The following ANGPTL5 variants were observed in gnomAD, a reference collection of about 807,000 sequenced individuals.
ANGPTL5 encodes angiopoietin like 5.
ANGPTL5 carries 34 observed loss-of-function variants against 39.4 expected under a neutral mutation model. The observed-to-expected ratio is 0.86, with a 90% CI of 0.66 to 1.15. The LOEUF is 1.15. ANGPTL5 is among the 50% of genes most tolerant of loss of function. The probability of loss-of-function intolerance (pLI) is 0.00; values close to 1 mark genes in which losing one functional copy is unlikely to be tolerated. For synonymous variants in ANGPTL5, 146 were observed against 152.1 expected (o/e 0.96, Z 0.29); for missense variants, 467 against 457.5 (o/e 1.02, Z -0.19).
chr11:101,893,297 G>T (rs1169535118), intron 8 of ANGPTL5, among the ~76,000 whole-genome samples: 1 of 152,166 alleles, frequency 6.6e-6, no homozygotes, highest in Non-Finnish European at 1.5e-5. Flanking sequence ...GAATAGTTGG[G>T]ATTCTCGTGG....
chr11:101,895,024 T>A lies in ANGPTL5; in HGVS notation c.702A>T (p.Val234=). 6.2e-7 allele frequency: 1 copy of A among 1,605,924 alleles called. No individual in the cohort carries two copies. Among genetic ancestry groups the A allele is most frequent in the Non-Finnish European group, 8.5e-7 (1 of 1,175,996 alleles). The part of the protein sequence containing the change: ...WLGLKKIFYI[V]NQKNTSFMLY... ...GCATAAAACTGGTATTTTTCTGATT[T>A]ACTATATAAAAAATCTTTTTCAGTC... The change falls in exon 8 of 9, where the codon GTA becomes GTT. Residue 234 remains valine (V), a synonymous_variant. Coordinates refer to ENST00000334289, the MANE Select transcript of ANGPTL5 (RefSeq NM_178127.5).
chr11:101,907,066 A>C, intron 3 of ANGPTL5, 37 bp downstream of exon 3: 1 of 1,431,664 alleles, frequency 7.0e-7, no homozygotes, highest in African/African-American at 1.4e-5. Context: ...ATAATGAATC[A>C]TATACTCTTA....
rs1217202531 is a variant in ANGPTL5 at position 101,900,515 on chromosome 11, C to G, written c.576G>C (p.Arg192=). Residue 192 remains arginine (R), a synonymous_variant, in exon 7 of 9, where the codon CGG becomes CGC. Transcript: ENST00000334289. The part of the protein sequence containing the change: ...MCDMDYRGGG[R]TVIQKRIDGI... ...CATCAATTCTTTTCTGTATCACAGT[C>G]CGTCCACCTCCTCTGTAATCCATGT... The G allele has an allele frequency of 1.9e-6, 3 of 1,612,334 alleles. No homozygotes were observed. Among genetic ancestry groups the G allele is most frequent in the Non-Finnish European group, 8.5e-7 (1 of 1,178,534 alleles).
Position 101,891,412 on chromosome 11 carries a change from C to A in ANGPTL5, c.1034G>T (p.Gly345Val), listed in dbSNP as rs369497815. 7 of 1,614,062 alleles carry A rather than the reference C, an allele frequency of 4.3e-6. No homozygotes were observed. The highest frequency in any genetic ancestry group is 5.9e-6 in the Non-Finnish European group (7 of 1,180,004). Reference protein sequence around the residue: ...FNECGLANLNGIHHFSGKLLA... With the variant: ...FNECGLANLNVIHHFSGKLLA... ...CAATTTTCCAGAGAAGTGATGAATG[C>A]CATTTAGATTTGCTAGACCACACTC... The change falls in exon 9 of 9, where the codon GGC becomes GTC. Residue 345 changes from glycine (G) to valine (V), a missense_variant. Gly to Val is a moderately radical substitution (Grantham distance 109). Coordinates refer to ENST00000334289, the MANE Select transcript of ANGPTL5 (RefSeq NM_178127.5).
intron 1 of ANGPTL5, among the ~76,000 whole-genome samples, chr11:101,908,780 CAAAAAAA>C (rs59041644): frequency 7.7e-5 from 5 of 64,958 alleles, no homozygotes; most frequent in African/African-American, 2.5e-4. Flanking sequence ...GACTCCATCT[CAAAAAAA>C]AAAAAAAAAA....
chr11:101,901,921 T>A (rs1157351429), intron 6 of ANGPTL5, among the ~76,000 whole-genome samples: 3 of 151,652 alleles, frequency 2.0e-5, no homozygotes, highest in South Asian at 4.1e-4. Context: ...CCCAGGAAAA[T>A]ATATATATAA....
At chr11:101,901,923 T>C (rs1939907217) in intron 6 of ANGPTL5, among the ~76,000 whole-genome samples, 2 of 151,802 alleles carry the variant, frequency 1.3e-5, no homozygotes, top group Non-Finnish European at 2.9e-5. Context: ...CAGGAAAATA[T>C]ATATATAATA....
intron 6 of ANGPTL5, among the ~76,000 whole-genome samples, chr11:101,900,855 C>T (rs1258675509): frequency 6.6e-6 from 1 of 150,794 alleles, no homozygotes; most frequent in Non-Finnish European, 1.5e-5. Flanking sequence ...GCTTTTTTTT[C>T]CCCCCTTTTT....
chr11:101,906,887 T>C (rs1940005940), intron 3 of ANGPTL5, among the ~76,000 whole-genome samples: 1 of 152,076 alleles, frequency 6.6e-6, no homozygotes, highest in South Asian at 2.1e-4. Flanking sequence ...GAGACCCTTT[T>C]GTTGCACACA....
chr11:101,915,172 C>A (rs564510732), intron 1 of ANGPTL5: 131 of 1,492,334 alleles, frequency 8.8e-5, no homozygotes, highest in East Asian at 3.2e-4. Context: ...GCGCCCGTGA[C>A]GCGGGGCCTG....
intron 7 of ANGPTL5, among the ~76,000 whole-genome samples, chr11:101,898,332 G>C (rs766794697): frequency 2.6e-5 from 4 of 152,038 alleles, no homozygotes; most frequent in Admixed American, 1.3e-4. Context: ...TTATTTCCTT[G>C]AGCAGTGGTT....
chr11:101,894,541 T>G (rs1939757597), intron 8 of ANGPTL5, among the ~76,000 whole-genome samples: 1 of 152,174 alleles, frequency 6.6e-6, no homozygotes, highest in Non-Finnish European at 1.5e-5. Context: ...CTAGAGATCA[T>G]CTCTAACAGT....
chr11:101,915,842 C>T (rs1303370632), intron 1 of ANGPTL5, among the ~76,000 whole-genome samples, 177 bp downstream of exon 1: 2 of 152,140 alleles, frequency 1.3e-5, no homozygotes, highest in Non-Finnish European at 2.9e-5. Context: ...CTAACACAGC[C>T]CTAAATGCAT....
intron 5 of ANGPTL5, among the ~76,000 whole-genome samples, chr11:101,903,696 C>G (rs1463852409): frequency 3.9e-5 from 6 of 152,114 alleles, no homozygotes; most frequent in Admixed American, 6.6e-5. Flanking sequence ...CTTATAATGA[C>G]TTTATGCTCA....
intron 5 of ANGPTL5, among the ~76,000 whole-genome samples, 153 bp from the exon 6 acceptor site, chr11:101,902,874 TA>T (rs1389134790): frequency 6.6e-6 from 1 of 152,034 alleles, no homozygotes; most frequent in Admixed American, 6.6e-5. Context: ...ATTTTAGAAA[TA>T]AAAAGAAAAT....
chr11:101,901,524 A>G (rs1939899644), intron 6 of ANGPTL5, among the ~76,000 whole-genome samples: 1 of 152,122 alleles, frequency 6.6e-6, no homozygotes, highest in Admixed American at 6.5e-5. Flanking sequence ...CGATATAGGG[A>G]AGAAATCAGA....
At chr11:101,904,369 GCTAA>G (rs1414381567) in intron 5 of ANGPTL5, among the ~76,000 whole-genome samples, 3 of 152,196 alleles carry the variant, frequency 2.0e-5, no homozygotes, top group Non-Finnish European at 4.4e-5. Flanking sequence ...TATAAAAAGT[GCTAA>G]CTTTCAGTTT....
chr11:101,903,883 AT>A (rs1470911250), intron 5 of ANGPTL5, among the ~76,000 whole-genome samples: 1 of 112,200 alleles, frequency 8.9e-6, no homozygotes, highest in Non-Finnish European at 2.0e-5. Context: ...TGATTCGGGC[AT>A]TTTTTTTATT....
At chr11:101,897,756 A>G (rs987058364) in intron 7 of ANGPTL5, among the ~76,000 whole-genome samples, 3 of 152,188 alleles carry the variant, frequency 2.0e-5, no homozygotes, top group African/African-American at 7.2e-5. Context: ...TGGTTACTGT[A>G]GCCTTGTAGT....
Sources: gnomAD v4.1 joint callset for allele counts (sites outside exome capture counted in the v4.1 genomes callset) on GRCh38, gnomAD v4.1.1 for gene constraint, MANE v1.5 for transcripts, NCBI Gene and HGNC (gene_info 2026-07-23, HGNC 2026-07-21) for gene names.